ARL6IP6: variants seen among roughly 807,000 people sequenced by gnomAD.
The protein encoded by ARL6IP6 is ARF like GTPase 6 interacting protein 6.
Under a neutral mutation model 21.5 loss-of-function variants are expected in ARL6IP6, and 22 were observed. The ratio of observed to expected loss-of-function variants is 1.02; its 90% CI spans 0.73 to 1.46. The LOEUF (loss-of-function observed/expected upper bound fraction) is 1.46, where lower values mean the gene tolerates loss of function less well. Ranked by LOEUF, ARL6IP6 falls within the 40% of genes most tolerant of loss-of-function variation. The pLI, the probability that ARL6IP6 is intolerant of heterozygous loss-of-function variation, is 0.00. For synonymous variants in ARL6IP6, 164 were observed against 125.3 expected, an observed-to-expected ratio of 1.31 and a Z score of -2.06; for missense variants, 388 against 299.8, an observed-to-expected ratio of 1.29 and a Z score of -2.17.
chr2:152,750,376 T>C (rs1363064293), intron 3 of ARL6IP6, among the ~76,000 whole-genome samples: 1 of 150,898 alleles, frequency 6.6e-6, no homozygotes, highest in Non-Finnish European at 1.5e-5. Flanking sequence ...CTTGGAAGGC[T>C]GAGGCATGAG....
intron 3 of ARL6IP6, among the ~76,000 whole-genome samples, chr2:152,739,828 A>G (rs1700726241): frequency 6.6e-6 from 1 of 152,216 alleles, no homozygotes; most frequent in Non-Finnish European, 1.5e-5. Flanking sequence ...AGGCCTAACA[A>G]TCATGGCAAA....
intron 2 of ARL6IP6, among the ~76,000 whole-genome samples, chr2:152,725,046 T>G (rs1455668850): frequency 6.6e-6 from 1 of 152,208 alleles, no homozygotes; most frequent in Non-Finnish European, 1.5e-5. Context: ...CATTGGACCA[T>G]TTTTCATTTC....
chr2:152,740,652 C>CA (rs1190440769), intron 3 of ARL6IP6, among the ~76,000 whole-genome samples: 1 of 147,354 alleles, frequency 6.8e-6, no homozygotes, highest in Non-Finnish European at 1.5e-5. Flanking sequence ...TGTATAAATA[C>CA]AAAATAATGC....
chr2:152,753,484 T>C (rs1701432281), intron 3 of ARL6IP6, among the ~76,000 whole-genome samples: 1 of 152,174 alleles, frequency 6.6e-6, no homozygotes, highest in South Asian at 2.1e-4. Context: ...TAGGTTATGA[T>C]TTGAAATTTT....
At chr2:152,748,921 A>G (rs762123907) in intron 3 of ARL6IP6, among the ~76,000 whole-genome samples, 1 of 152,152 alleles carries the variant, frequency 6.6e-6, no homozygotes, top group Non-Finnish European at 1.5e-5. Context: ...CTGAAACATG[A>G]CAAGAGACCT....
Position 152,718,963 on chromosome 2 carries a change from C to G in ARL6IP6, c.339C>G (p.Cys113Trp). 6.2e-7 allele frequency: 1 copy of G among 1,601,210 alleles called. No homozygotes were observed. Among genetic ancestry groups the G allele is most frequent in the Non-Finnish European group, 8.5e-7 (1 of 1,172,772 alleles). The stretch of plus-strand genomic sequence containing the variant: ...CGGTCCAGGTCCTCTCTATTCTCTG[C>G]TCGCTGCTCTTCGCCATTCTTCTCG... The part of the protein sequence containing the change: ...RWPVQVLSIL[C>W]SLLFAILLAF... Residue 113 changes from cysteine to tryptophan, a missense_variant, in exon 1 of 4, where the codon TGC becomes TGG. Cys to Trp is a radical substitution (Grantham distance 215, BLOSUM62 -2). Coordinates refer to ENST00000326446, the MANE Select transcript of ARL6IP6 (RefSeq NM_152522.7).
intron 3 of ARL6IP6, among the ~76,000 whole-genome samples, chr2:152,758,439 G>T (rs1701684931): frequency 6.6e-6 from 1 of 151,948 alleles, no homozygotes; most frequent in South Asian, 2.1e-4. Context: ...AATGCTGATT[G>T]TTCAACTTTA....
rs567886958 is a variant in ARL6IP6, at chr2:152,757,319, A to G, written c.588-2428A>G. On this transcript the variant is annotated intron_variant, in intron 3 of 3. Coordinates refer to ENST00000326446, the MANE Select transcript of ARL6IP6 (RefSeq NM_152522.7). ...GTGGTTGGTGAGTATATGAGAGTCT[A>G]CCACAGTAAAAATGCATTGAACTGT... Among the ~76,000 whole-genome samples the G allele has an allele frequency of 2.1e-3, 324 of 152,300 alleles. 2 individuals carry two copies. The highest frequency in any genetic ancestry group is 7.6e-3 in the African/African-American group (315 of 41,578).
At chr2:152,724,490 A>G (rs750823583) in intron 2 of ARL6IP6, among the ~76,000 whole-genome samples, 7 of 152,224 alleles carry the variant, frequency 4.6e-5, no homozygotes, top group Non-Finnish European at 7.3e-5. Flanking sequence ...CAAGGCAGAA[A>G]AAGAATGGGT....
At chr2:152,719,867 C>G (rs1699675470) in intron 1 of ARL6IP6, 2 of 466,334 alleles carry the variant, frequency 4.3e-6, no homozygotes, top group Admixed American at 4.8e-5. Flanking sequence ...CTATTTAACT[C>G]CAGTTTTTAT....
At chr2:152,744,646 A>G (rs534732281) in intron 3 of ARL6IP6, among the ~76,000 whole-genome samples, 141 of 152,150 alleles carry the variant, frequency 9.3e-4, no homozygotes, top group Non-Finnish European at 1.6e-3. Flanking sequence ...ATCAGCGGGT[A>G]TCTGCTACCT....
chr2:152,735,801 T>C (rs1180639398), intron 3 of ARL6IP6, among the ~76,000 whole-genome samples: 1 of 134,152 alleles, frequency 7.5e-6, no homozygotes, highest in African/African-American at 2.7e-5. Context: ...AACTAAATTA[T>C]ATTAAATTTA....
At chr2:152,717,944 G>A (rs1699245219), upstream of ARL6IP6, 5 of 1,007,880 alleles carry the variant, frequency 5.0e-6, no homozygotes, top group Non-Finnish European at 5.9e-6. Flanking sequence ...AGGAGGCGGG[G>A]AAGGCGAAAG....
chr2:152,742,359 G>A (rs1050966372), intron 3 of ARL6IP6, among the ~76,000 whole-genome samples: 5 of 152,052 alleles, frequency 3.3e-5, no homozygotes, highest in Admixed American at 3.3e-4. Flanking sequence ...CTTGAGCCTA[G>A]AAGTTTGAGA....
chr2:152,727,499 T>C (rs1700099998), intron 2 of ARL6IP6, among the ~76,000 whole-genome samples: 1 of 152,234 alleles, frequency 6.6e-6, no homozygotes, highest in Non-Finnish European at 1.5e-5. Flanking sequence ...GTAGTGTCCT[T>C]GGCCTTCACC....
upstream of ARL6IP6, chr2:152,717,662 TTTC>T: frequency 7.1e-7 from 1 of 1,416,714 alleles, no homozygotes; most frequent in South Asian, 1.5e-5. Flanking sequence ...ACGGAGGAAG[TTTC>T]TGCGCCGAGT....
rs939397627 is a variant in ARL6IP6, at chr2:152,761,782, G to C, written c.*1942G>C. On this transcript the variant is annotated 3_prime_UTR_variant, in exon 4 of 4. Coordinates refer to ENST00000326446, the MANE Select transcript of ARL6IP6 (RefSeq NM_152522.7). ...AAGCTATACCATATAGCCTAGGTGTGTAGTAGGCTATACCATCTAGGTTTG... is the reference window on the plus strand; with the variant it reads ...AAGCTATACCATATAGCCTAGGTGTCTAGTAGGCTATACCATCTAGGTTTG... Among the ~76,000 whole-genome samples the C allele has an allele frequency of 1.3e-5, 2 of 152,130 alleles. No homozygotes were observed. The highest frequency in any genetic ancestry group is 2.9e-5 in the Non-Finnish European group (2 of 68,018).
rs6752246 is a variant in ARL6IP6, at chr2:152,726,672, A to C, written c.454+6086A>C. Among the ~76,000 whole-genome samples, 274 of 152,338 alleles carry C rather than the reference A, an allele frequency of 1.8e-3. 1 individual carries two copies. The highest frequency in any genetic ancestry group is 6.8e-3 in the Middle Eastern group (2 of 294). Reference sequence around the variant, plus strand: ...TAGTAGCCAGCTGGTAATAGTTTTTACAACTTTTAAAGTTAGCTAAGTACA... The same window carrying C: ...TAGTAGCCAGCTGGTAATAGTTTTTCCAACTTTTAAAGTTAGCTAAGTACA... On this transcript the variant is annotated intron_variant, in intron 2 of 3. Transcript: ENST00000326446.
intron 3 of ARL6IP6, among the ~76,000 whole-genome samples, chr2:152,738,464 A>G (rs1026133987): frequency 3.3e-5 from 5 of 152,200 alleles, no homozygotes; most frequent in Non-Finnish European, 7.3e-5. Context: ...CTCCACCCCT[A>G]TAGCACACCT....
Sources: allele counts gnomAD v4.1 joint callset (sites outside exome capture counted in the v4.1 genomes callset), GRCh38; gene constraint gnomAD v4.1.1; transcripts MANE v1.5; gene names NCBI Gene and HGNC (gene_info 2026-07-23, HGNC 2026-07-21).